FAM13A: variants seen among roughly 807,000 people sequenced by gnomAD.
FAM13A encodes the protein family with sequence similarity 13 member A.
Under a neutral mutation model 129.6 loss-of-function variants are expected in FAM13A, and 76 were observed. The ratio of observed to expected loss-of-function variants is 0.59; its 90% CI spans 0.49 to 0.71. The LOEUF is 0.71. Among genes scored for constraint, FAM13A ranks in the 30% least tolerant of loss-of-function variants. The pLI is 0.00. For missense variants in FAM13A, 1,108 were observed against 1,249.3 expected, an observed-to-expected ratio of 0.89 and a Z score of 1.70; for synonymous variants, 443 against 449.9, an observed-to-expected ratio of 0.98 and a Z score of 0.20.
At chr4:88,789,557 C>CTG (rs1724683880) in intron 9 of FAM13A, among the ~76,000 whole-genome samples, 1 of 152,156 alleles carries the variant, frequency 6.6e-6, no homozygotes, top group Non-Finnish European at 1.5e-5. Flanking sequence ...AGGAGCTGTT[C>CTG]TGTCATTCAG....
intron 6 of FAM13A, among the ~76,000 whole-genome samples, chr4:88,852,862 C>T (rs1737845738): frequency 6.6e-6 from 1 of 151,876 alleles, no homozygotes; most frequent in Non-Finnish European, 1.5e-5. Context: ...AAATTCATGC[C>T]TCTATGAAGA....
intron 4 of FAM13A, among the ~76,000 whole-genome samples, chr4:88,964,907 C>A (rs983966672): frequency 6.6e-6 from 1 of 151,902 alleles, no homozygotes; most frequent in Non-Finnish European, 1.5e-5. Context: ...GGATTACAGG[C>A]GTGAGATACC....
chr4:88,775,360 T>C (rs569637676), intron 11 of FAM13A, among the ~76,000 whole-genome samples: 9 of 151,716 alleles, frequency 5.9e-5, no homozygotes, highest in Non-Finnish European at 5.9e-5. Flanking sequence ...GGAGTTCGGG[T>C]TGGGGTTGGG....
intron 6 of FAM13A, among the ~76,000 whole-genome samples, chr4:88,888,118 C>T (rs1378852232): frequency 2.0e-5 from 3 of 152,172 alleles, no homozygotes; most frequent in Non-Finnish European, 4.4e-5. Context: ...CTCATTTTCT[C>T]CTTATACTCT....
At chr4:88,825,888 C>T (rs921572663) in intron 7 of FAM13A, among the ~76,000 whole-genome samples, 1 of 152,214 alleles carries the variant, frequency 6.6e-6, no homozygotes, top group African/African-American at 2.4e-5. Flanking sequence ...CAGTCTCCAT[C>T]ATTTATAACA....
chr4:89,013,618 G>A (rs1023413803), intron 3 of FAM13A, among the ~76,000 whole-genome samples: 6 of 152,032 alleles, frequency 3.9e-5, no homozygotes, highest in African/African-American at 9.7e-5. Context: ...CCATCATAAC[G>A]TCCTACTGCA....
intron 7 of FAM13A, among the ~76,000 whole-genome samples, chr4:88,842,356 G>A (rs1312268323): frequency 6.6e-6 from 1 of 152,242 alleles, no homozygotes; most frequent in Non-Finnish European, 1.5e-5. Context: ...ATGTAGCTCA[G>A]ATATAGAATG....
At chr4:88,914,720 C>T (rs1749792053) in intron 5 of FAM13A, among the ~76,000 whole-genome samples, 1 of 152,184 alleles carries the variant, frequency 6.6e-6, no homozygotes, top group Non-Finnish European at 1.5e-5. Context: ...TCTACCACTC[C>T]AAGAAGTCTT....
intron 19 of FAM13A, among the ~76,000 whole-genome samples, chr4:88,745,847 C>T (rs867757414): frequency 3.3e-5 from 5 of 151,390 alleles, no homozygotes; most frequent in African/African-American, 7.3e-5. Context: ...TCATCAGTGC[C>T]AGCATTTTTT....
chr4:88,968,414 A>C (rs1322792417), intron 4 of FAM13A, among the ~76,000 whole-genome samples: 7 of 152,236 alleles, frequency 4.6e-5, no homozygotes, highest in African/African-American at 7.2e-5. Context: ...ATCAGTAGCA[A>C]GGTAAAATTG....
intron 1 of FAM13A, among the ~76,000 whole-genome samples, chr4:89,047,427 C>T (rs1175741814): frequency 6.6e-6 from 1 of 152,004 alleles, no homozygotes; most frequent in Non-Finnish European, 1.5e-5. Flanking sequence ...CAAGTCAAGA[C>T]CTATTGCTGA....
At chr4:88,781,391 C>T in intron 10 of FAM13A, 40 bp from the exon 11 acceptor site, 3 of 1,403,036 alleles carry the variant, frequency 2.1e-6, no homozygotes, top group Non-Finnish European at 3.0e-6. Context: ...TTTAAAAGAT[C>T]AAATGGTCAT....
chr4:88,898,570 G>A (rs1366969089), intron 6 of FAM13A, among the ~76,000 whole-genome samples: 1 of 151,846 alleles, frequency 6.6e-6, no homozygotes, highest in Non-Finnish European at 1.5e-5. Context: ...ATAAATAATA[G>A]CTCAATGCTG....
rs371504135 is a variant in FAM13A at position 88,880,840 on chromosome 4, G to A, written c.843+25539C>T. Among the ~76,000 whole-genome samples, 23 of 151,206 alleles carry A rather than the reference G, an allele frequency of 1.5e-4. 2 individuals carry two copies. Among genetic ancestry groups the A allele is most frequent in the African/African-American group, 5.6e-4 (23 of 41,194 alleles). ...TGGCCTTTTGGGCTGCGTGGGAGGT[G>A]AGTGAGGCCTGTAACTGCTGGCTTT... On this transcript the variant is annotated intron_variant, in intron 6 of 23. Coordinates refer to ENST00000264344, the MANE Select transcript of FAM13A (RefSeq NM_014883.4).
At chr4:88,994,520 C>T (rs914839519) in intron 3 of FAM13A, among the ~76,000 whole-genome samples, 4 of 152,098 alleles carry the variant, frequency 2.6e-5, no homozygotes, top group South Asian at 2.1e-4. Context: ...TAGGAAGATG[C>T]CTTCTGACGC....
chr4:89,015,546 G>A lies in FAM13A; in HGVS notation c.427+4914C>T, dbSNP rs979310894. On this transcript the variant is annotated intron_variant, in intron 3 of 23. Coordinates refer to ENST00000264344, the MANE Select transcript of FAM13A (RefSeq NM_014883.4). ...TGAATTATCGGGGGCGGGTTACCCC[G>A]ATACTTAACTTTTGTTTGTATTAAT... 9.2e-5 allele frequency among the ~76,000 whole-genome samples: 14 copies of A among 152,156 alleles called. No homozygotes were observed. In the South Asian group the frequency reaches 1.4e-3, roughly 16 times the overall value.
At chr4:88,729,053 A>G (rs1008148469) in intron 23 of FAM13A, 2 of 142,742 alleles carry the variant, frequency 1.4e-5, no homozygotes, top group Admixed American at 1.4e-4. Context: ...ACTGGTCCAC[A>G]ACTTAGTTTT....
At chr4:88,826,890 G>C (rs1033005888) in intron 7 of FAM13A, among the ~76,000 whole-genome samples, 1 of 152,106 alleles carries the variant, frequency 6.6e-6, no homozygotes, top group South Asian at 2.1e-4. Context: ...CTCGCTACTT[G>C]CTTCTCCTCC....
intron 6 of FAM13A, among the ~76,000 whole-genome samples, chr4:88,901,798 A>AC (rs948213668): frequency 9.9e-5 from 15 of 152,136 alleles, no homozygotes; most frequent in African/African-American, 3.6e-4. Flanking sequence ...CTTCAAAAAA[A>AC]ATCAACAAAT....
Sources: gnomAD v4.1 joint callset for allele counts (sites outside exome capture counted in the v4.1 genomes callset) on GRCh38, gnomAD v4.1.1 for gene constraint, MANE v1.5 for transcripts, NCBI Gene and HGNC (gene_info 2026-07-23, HGNC 2026-07-21) for gene names.